SLC35F3: variants seen among roughly 807,000 people sequenced by gnomAD.
SLC35F3 encodes putative thiamine transporter SLC35F3.
A neutral mutation model predicts 49.9 loss-of-function variants in SLC35F3; 25 were observed. That is an observed-to-expected ratio of 0.50 (90% confidence interval 0.37 to 0.70). The LOEUF (loss-of-function observed/expected upper bound fraction) is 0.70. SLC35F3 is among the 30% of genes least tolerant of loss of function. SLC35F3 has a pLI of 0.00. For missense variants in SLC35F3, 525 were observed against 639.8 expected (o/e 0.82, Z 1.94); for synonymous variants, 275 against 265.4 (o/e 1.04, Z -0.35).
intron 2 of SLC35F3, among the ~76,000 whole-genome samples, chr1:234,004,885 C>T (rs1663606590): frequency 6.6e-6 from 1 of 152,110 alleles, no homozygotes; most frequent in African/African-American, 2.4e-5. Flanking sequence ...ATCATCCTCT[C>T]ACTTGCAAAT....
At chr1:233,917,177 A>G (rs1661987195) in intron 2 of SLC35F3, among the ~76,000 whole-genome samples, 1 of 152,178 alleles carries the variant, frequency 6.6e-6, no homozygotes, top group African/African-American at 2.4e-5. Flanking sequence ...GAGCCCTCTC[A>G]CAGGTCCCGT....
At chr1:234,113,263 G>T (rs917579832) in intron 2 of SLC35F3, among the ~76,000 whole-genome samples, 2 of 152,262 alleles carry the variant, frequency 1.3e-5, no homozygotes, top group Non-Finnish European at 2.9e-5. Flanking sequence ...GGACATAAAA[G>T]AATCAGGATG....
In SLC35F3 at chr1:234,191,002, G is replaced by A. The variant is rs552245146; in HGVS notation, c.284-40415G>A. Among the ~76,000 whole-genome samples the A allele has an allele frequency of 3.5e-4, 54 of 152,340 alleles. No homozygotes were observed. The South Asian group carries it at 0.01, about 29-fold the overall frequency. On this transcript the variant is annotated intron_variant, in intron 2 of 7. Coordinates refer to ENST00000366618, the MANE Select transcript of SLC35F3 (RefSeq NM_173508.4). Reference sequence around the variant, plus strand: ...CTTCTAGTGAGCAAAGGCAGCTGCCGAGCTTCCACAGCCCTTCTTATATAT... The same window carrying A: ...CTTCTAGTGAGCAAAGGCAGCTGCCAAGCTTCCACAGCCCTTCTTATATAT...
At chr1:234,232,917 C>T (rs566282387) in intron 3 of SLC35F3, among the ~76,000 whole-genome samples, 22 of 152,264 alleles carry the variant, frequency 1.4e-4, no homozygotes, top group African/African-American at 4.8e-4. Context: ...GGAATTCTGG[C>T]TCCTTTAAAA....
chr1:234,197,165 C>T (rs893851670), intron 2 of SLC35F3, among the ~76,000 whole-genome samples: 1 of 152,106 alleles, frequency 6.6e-6, no homozygotes, highest in African/African-American at 2.4e-5. Flanking sequence ...ATGTGAAACT[C>T]ATCTGGGTTT....
At chr1:234,138,984 G>A (rs2102901963) in intron 2 of SLC35F3, among the ~76,000 whole-genome samples, 1 of 152,338 alleles carries the variant, frequency 6.6e-6, no homozygotes, top group Admixed American at 6.5e-5. Context: ...TCTTGAGGCT[G>A]TTGTGAGGAT....
chr1:234,139,431 T>C (rs888483769), intron 2 of SLC35F3, among the ~76,000 whole-genome samples: 1 of 152,200 alleles, frequency 6.6e-6, no homozygotes, highest in Non-Finnish European at 1.5e-5. Context: ...AGACACATTA[T>C]ACTTTTTAAA....
At chr1:234,040,320 G>T (rs149188707) in intron 2 of SLC35F3, among the ~76,000 whole-genome samples, 1 of 152,176 alleles carries the variant, frequency 6.6e-6, no homozygotes, top group Admixed American at 6.5e-5. Context: ...GGCACAGAAT[G>T]GGGGAGCAGG....
chr1:234,255,429 T>G (rs1381167546), intron 3 of SLC35F3, among the ~76,000 whole-genome samples: 1 of 152,220 alleles, frequency 6.6e-6, no homozygotes, highest in Non-Finnish European at 1.5e-5. Flanking sequence ...ACAGCCACTT[T>G]AGAAAACAGC....
At chr1:234,253,157 C>T (rs902817216) in intron 3 of SLC35F3, among the ~76,000 whole-genome samples, 1 of 152,060 alleles carries the variant, frequency 6.6e-6, no homozygotes. Context: ...GAAACCCTGT[C>T]TCTACTAAAA....
intron 2 of SLC35F3, among the ~76,000 whole-genome samples, chr1:234,081,683 A>G (rs1382530424): frequency 6.6e-6 from 1 of 151,518 alleles, no homozygotes. Context: ...ACTCCATCAA[A>G]GCTTGTGTGC....
In SLC35F3 at chr1:234,181,410, T is replaced by A. The variant is rs562026752; in HGVS notation, c.284-50007T>A. Among the ~76,000 whole-genome samples, 61 of 152,268 alleles carry A rather than the reference T, an allele frequency of 4.0e-4. No homozygotes were observed. In the South Asian group the frequency reaches 9.3e-3, roughly 23 times the overall value. On this transcript the variant is annotated intron_variant, in intron 2 of 7. Coordinates refer to ENST00000366618, the MANE Select transcript of SLC35F3 (RefSeq NM_173508.4). ...AGAAAAAAGAATAAGCACTCTTTTT[T>A]AAAATGTTATCACAGTATTAGAAAT...
chr1:234,130,423 G>A (rs1016504916), intron 2 of SLC35F3, among the ~76,000 whole-genome samples: 2 of 150,388 alleles, frequency 1.3e-5, no homozygotes, highest in East Asian at 1.9e-4. Flanking sequence ...GGCAGATCAC[G>A]AGGTCAGGAG....
chr1:234,211,851 G>A (rs1667050092), intron 2 of SLC35F3, among the ~76,000 whole-genome samples: 1 of 152,162 alleles, frequency 6.6e-6, no homozygotes, highest in South Asian at 2.1e-4. Flanking sequence ...ATGAGGATAT[G>A]AGATTTGGGA....
At chr1:234,216,172 T>C (rs933963557) in intron 2 of SLC35F3, among the ~76,000 whole-genome samples, 1 of 152,076 alleles carries the variant, frequency 6.6e-6, no homozygotes, top group African/African-American at 2.4e-5. Context: ...GAGGGAAGGA[T>C]TGGCCATTTA....
At position 234,323,282 on chromosome 1, in the gene SLC35F3, T is replaced by A. The variant is rs768507454; in HGVS notation, c.*39T>A. 9 of 1,572,894 alleles carry A rather than the reference T, an allele frequency of 5.7e-6. No homozygotes were observed. The highest frequency in any genetic ancestry group is 7.8e-6 in the Non-Finnish European group (9 of 1,153,728). On this transcript the variant is annotated 3_prime_UTR_variant, in exon 8 of 8. Coordinates refer to ENST00000366618, the MANE Select transcript of SLC35F3 (RefSeq NM_173508.4). This position sits in a 1 kb window ranked among gnomAD's most constrained non-coding sequence, Gnocchi z 4.5. ...GAACTCGGTGGTAATGACTGGGAGG[T>A]CTATTCCTGCCGGGAGGAACCTCAG...
intron 2 of SLC35F3, among the ~76,000 whole-genome samples, chr1:234,076,009 T>C (rs1664786706): frequency 6.6e-6 from 1 of 152,240 alleles, no homozygotes; most frequent in African/African-American, 2.4e-5. Context: ...GACCGCAGAC[T>C]GTTTTCTGTG....
At chr1:234,212,057 A>T (rs929594706) in intron 2 of SLC35F3, among the ~76,000 whole-genome samples, 17 of 151,916 alleles carry the variant, frequency 1.1e-4, no homozygotes, top group South Asian at 2.1e-4. Context: ...CTGCACAAGC[A>T]CTCTCTTTGC....
intron 2 of SLC35F3, among the ~76,000 whole-genome samples, chr1:234,166,287 T>C (rs1473449831): frequency 6.6e-6 from 1 of 152,168 alleles, no homozygotes; most frequent in African/African-American, 2.4e-5. Context: ...GGTCCATTTG[T>C]TACAACCAAT....
Sources: gnomAD v4.1 joint callset for allele counts (sites outside exome capture counted in the v4.1 genomes callset) on GRCh38, gnomAD v4.1.1 for gene constraint, Gnocchi (gnomAD v3.1) non-coding constraint, MANE v1.5 for transcripts, NCBI Gene and HGNC (gene_info 2026-07-23, HGNC 2026-07-21) for gene names.